Variants in MAGOHB observed in about 807,000 individuals in gnomAD.
The protein encoded by MAGOHB is mago homolog B, exon junction complex subunit, also known as protein mago nashi homolog 2.
A neutral mutation model predicts 20.9 loss-of-function variants in MAGOHB; 15 were observed. The ratio of observed to expected loss-of-function variants is 0.72; its 90% CI spans 0.48 to 1.11. MAGOHB has a LOEUF of 1.11. Ranked by LOEUF, MAGOHB falls within the 50% of genes least tolerant of loss-of-function variation. The probability of loss-of-function intolerance (pLI) is 0.00; values close to 1 mark genes in which losing one functional copy is unlikely to be tolerated. For synonymous variants in MAGOHB, 50 were observed against 57.9 expected (o/e 0.86, Z 0.62); for missense variants, 162 against 177.6 (o/e 0.91, Z 0.50).
At position 10,604,904 on chromosome 12, in the gene MAGOHB, G is replaced by A. The variant is rs1243247325; in HGVS notation, c.*1371C>T. 1 of 152,092 alleles carries A rather than the reference G, an allele frequency of 6.6e-6. No homozygotes were observed. Among genetic ancestry groups the A allele is most frequent in the African/African-American group, 2.4e-5 (1 of 41,386 alleles). 9.4% of individuals were successfully genotyped at this position (152,092 alleles called of 1,614,324 possible). Reference sequence around the variant, plus strand: ...GCTCTAGAGCTATACTGTCCAAACGGTAGCCGCTAGACACGTGGCTACCTA... The same window carrying A: ...GCTCTAGAGCTATACTGTCCAAACGATAGCCGCTAGACACGTGGCTACCTA... On this transcript the variant is annotated 3_prime_UTR_variant, in exon 5 of 5. Transcript: ENST00000320756.
At chr12:10,600,600 C>T (rs115994434), downstream of MAGOHB, among the ~76,000 whole-genome samples, 1,531 of 152,198 alleles carry the variant, frequency 0.01, 7 homozygotes, top group South Asian at 0.038. Context: ...AGTTTTCCCA[C>T]GAAATCTCAC....
chr12:10,599,701 G>A (rs548218917), downstream of MAGOHB: 2 of 152,174 alleles, frequency 1.3e-5, no homozygotes, highest in East Asian at 3.9e-4. Flanking sequence ...AGTGATAAGA[G>A]GAAATTGTAT....
chr12:10,607,877 A>T lies in MAGOHB; in HGVS notation c.324T>A (p.Ser108=), dbSNP rs112563893. 3 of 1,595,192 alleles carry T rather than the reference A, an allele frequency of 1.9e-6. No homozygotes were observed. The highest frequency in any genetic ancestry group is 1.4e-5 in the African/African-American group (1 of 74,016). The change falls in exon 4 of 5, where the codon TCT becomes TCA. Residue 108 remains serine (S), a synonymous_variant. Transcript: ENST00000320756. ...ACTTTGACTGATTTACATCAATAAG[A>T]GAACCTATTTTTGATGTGGTAAAAG... ...HISFTTSKIG[S]LIDVNQSKDP... is the part of the protein sequence containing the mutation.
intron 2 of MAGOHB, 45 bp downstream of exon 2, chr12:10,610,577 C>CA (rs541042923): frequency 0.05 from 35,949 of 721,072 alleles, 395 homozygotes; most frequent in African/African-American, 0.17. Flanking sequence ...GGGCTAAATG[C>CA]AAAAAAAAAA....
intron 2 of MAGOHB, 151 bp from the exon 3 acceptor site, chr12:10,610,092 C>A: frequency 3.6e-6 from 2 of 550,598 alleles, no homozygotes; most frequent in East Asian, 3.1e-5. Flanking sequence ...ATCACTTATC[C>A]TTGTTACACT....
chr12:10,610,575 TGCAA>T lies in MAGOHB; in HGVS notation c.153+43_153+46del, dbSNP rs1254207440. The T allele has an allele frequency of 4.2e-5, 51 of 1,204,530 alleles. 2 individuals carry two copies. The highest frequency in any genetic ancestry group is 1.9e-4 in the South Asian group (10 of 53,962). The allele number at this position is 1,204,530 out of a possible 1,614,324, so 74.6% of individuals were successfully genotyped here. On this transcript the variant is annotated intron_variant, in intron 2 of 4. Coordinates refer to ENST00000320756, the MANE Select transcript of MAGOHB (RefSeq NM_018048.5). The stretch of plus-strand genomic sequence containing the variant: ...ACAGACTTGAAGAAAATGGGCTAAA[TGCAA>T]AAAAAAAAAAAAAAAAAAAAAAGAC...
rs750393446 is a variant in MAGOHB at position 10,613,542 on chromosome 12, C to G, written c.-10G>C. Reference sequence around the variant, plus strand: ...CGCTAGCCACAGCCATTTTTGTACCCGGGAAGCCCGCCGAAAACGCAGCCA... The same window carrying G: ...CGCTAGCCACAGCCATTTTTGTACCGGGGAAGCCCGCCGAAAACGCAGCCA... On this transcript the variant is annotated 5_prime_UTR_variant, in exon 1 of 5. Coordinates refer to ENST00000320756, the MANE Select transcript of MAGOHB (RefSeq NM_018048.5). The G allele has an allele frequency of 6.2e-7, 1 of 1,603,750 alleles. No individual in the cohort carries two copies. The highest frequency in any genetic ancestry group is 8.5e-7 in the Non-Finnish European group (1 of 1,170,588).
chr12:10,600,589 G>C (rs1048560419), downstream of MAGOHB, among the ~76,000 whole-genome samples: 1 of 152,046 alleles, frequency 6.6e-6, no homozygotes, highest in African/African-American at 2.4e-5. Context: ...TTCTCTACTT[G>C]AGTTTTCCCA....
chr12:10,609,925 C>G lies in MAGOHB; in HGVS notation c.170G>C (p.Ser57Thr). The G allele has an allele frequency of 1.9e-6, 3 of 1,600,852 alleles. No individual in the cohort carries two copies. The highest frequency in any genetic ancestry group is 2.6e-6 in the Non-Finnish European group (3 of 1,171,844). The change falls in exon 3 of 5, where the codon AGT (serine) becomes ACT (threonine). Residue 57 changes from serine (S) to threonine (T), a missense_variant. Ser to Thr is a moderately conservative substitution (Grantham distance 58, BLOSUM62 1). Coordinates refer to ENST00000320756, the MANE Select transcript of MAGOHB (RefSeq NM_018048.5). ...AATTCTCTTCAGTTCTTCCATTACA[C>G]TCTTGTGCACATAAGCCTAAAAATT... Reference protein sequence around the residue: ...MIRKEAYVHKSVMEELKRIID... With the variant: ...MIRKEAYVHKTVMEELKRIID...
intron 4 of MAGOHB, among the ~76,000 whole-genome samples, chr12:10,606,928 C>T (rs1021694827): frequency 2.6e-5 from 4 of 152,160 alleles, no homozygotes; most frequent in Middle Eastern, 3.4e-3. Flanking sequence ...AAGAGATGCT[C>T]AGAAATGAAA....
intron 3 of MAGOHB, 51 bp from the exon 4 acceptor site, chr12:10,607,987 G>A (rs1282289290): frequency 5.3e-6 from 6 of 1,129,670 alleles, no homozygotes; most frequent in South Asian, 1.4e-5. Context: ...TATCCCAGAG[G>A]TATCTGTATT....
chr12:10,607,781 G>T (rs2125089), intron 4 of MAGOHB, 73 bp downstream of exon 4: 3 of 828,030 alleles, frequency 3.6e-6, no homozygotes, highest in Non-Finnish European at 3.9e-6. Context: ...ATCTTGGCTA[G>T]CAAACTGACT....
At chr12:10,610,712 T>C (rs1461414524) in intron 1 of MAGOHB, 32 bp from the exon 2 acceptor site, 3 of 1,552,208 alleles carry the variant, frequency 1.9e-6, no homozygotes, top group South Asian at 2.5e-5. Context: ...CAATTTATAA[T>C]AGCAAAAACT....
chr12:10,602,981 T>C (rs1865567275), downstream of MAGOHB, among the ~76,000 whole-genome samples: 1 of 152,178 alleles, frequency 6.6e-6, no homozygotes, highest in African/African-American at 2.4e-5. Flanking sequence ...CCCAGACAAG[T>C]TGCCATCTCC....
At position 10,612,631 on chromosome 12, in the gene MAGOHB, T is replaced by C. The variant is rs1865768618; in HGVS notation, c.94+808A>G. 9.7e-6 allele frequency: 11 copies of C among 1,137,624 alleles called. No homozygotes were observed. In the South Asian group the frequency reaches 1.8e-4, roughly 18 times the overall value. The allele number at this position is 1,137,624 out of a possible 1,614,324, so 70.5% of individuals were successfully genotyped here. A position where few individuals can be genotyped will look rare whatever the true frequency, so the allele number is the denominator to read the frequency against. ...GCTTTAGTTAAATTTGTCTTACTCA[T>C]TACTGTACCTTAAAATTTTGTATTT... On this transcript the variant is annotated intron_variant, in intron 1 of 4. Transcript: ENST00000320756.
intron 3 of MAGOHB, 127 bp from the exon 4 acceptor site, chr12:10,608,063 C>T (rs570786909): frequency 3.5e-6 from 2 of 572,632 alleles, no homozygotes; most frequent in East Asian, 3.1e-5. Context: ...GAGTGGGGGG[C>T]GAGGGGGAAA....
At chr12:10,606,404 T>C (rs887481645) in intron 4 of MAGOHB, 30 bp from the exon 5 acceptor site, 14 of 1,239,122 alleles carry the variant, frequency 1.1e-5, no homozygotes, top group Middle Eastern at 3.7e-4. Flanking sequence ...AAGTTACTTT[T>C]TCTTCCTAGG....
At chr12:10,612,192 T>TAA (rs1006212219) in intron 1 of MAGOHB, among the ~76,000 whole-genome samples, 1 of 31,556 alleles carries the variant, frequency 3.2e-5, no homozygotes, top group Non-Finnish European at 1.1e-4. Context: ...CTACAAAAAA[T>TAA]AACATAACAT....
rs1292358227 is a variant in MAGOHB at position 10,606,226 on chromosome 12, C to G, written c.*49G>C. On this transcript the variant is annotated 3_prime_UTR_variant, in exon 5 of 5. Coordinates refer to ENST00000320756, the MANE Select transcript of MAGOHB (RefSeq NM_018048.5). ...CCCCAATACTGTAAATGACAAATAA[C>G]CCCTCCCATCCCTTAATTAAATATA... 7.2e-6 allele frequency: 7 copies of G among 969,230 alleles called. No individual in the cohort carries two copies. Among genetic ancestry groups the G allele is most frequent in the Non-Finnish European group, 1.1e-5 (7 of 655,688 alleles). 60.0% of individuals were successfully genotyped at this position (969,230 alleles called of 1,614,324 possible).
Sources: gnomAD v4.1 joint callset for allele counts (sites outside exome capture counted in the v4.1 genomes callset) on GRCh38, gnomAD v4.1.1 for gene constraint, MANE v1.5 for transcripts, NCBI Gene and HGNC (gene_info 2026-07-23, HGNC 2026-07-21) for gene names.